Variants in FGF14 observed in about 807,000 individuals in gnomAD.
FGF14 encodes fibroblast growth factor homologous factor 4.
Under a neutral mutation model 25.5 loss-of-function variants are expected in FGF14, and 5 were observed. The ratio of observed to expected loss-of-function variants is 0.20; its 90% CI spans 0.10 to 0.41. FGF14 has a LOEUF of 0.41. FGF14 is among the 10% of genes least tolerant of loss of function. The pLI, the probability that FGF14 is intolerant of heterozygous loss-of-function variation, is 1.00. For synonymous variants in FGF14, 138 were observed against 118.3 expected, an observed-to-expected ratio of 1.17 and a Z score of -1.08; for missense variants, 222 against 320.1, an observed-to-expected ratio of 0.69 and a Z score of 2.34.
intron 1 of FGF14, among the ~76,000 whole-genome samples, chr13:102,211,137 AG>A (rs1213618599): frequency 6.6e-6 from 1 of 152,048 alleles, no homozygotes; most frequent in Non-Finnish European, 1.5e-5. Context: ...ATAATGCAAA[AG>A]GGAACAACAT....
At chr13:102,166,976 A>C (rs2048039827) in intron 1 of FGF14, among the ~76,000 whole-genome samples, 1 of 152,056 alleles carries the variant, frequency 6.6e-6, no homozygotes, top group South Asian at 2.1e-4. Flanking sequence ...AACAGAGATA[A>C]AACAGAAGCT....
At chr13:102,163,634 C>G (rs143007325) in intron 1 of FGF14, among the ~76,000 whole-genome samples, 1 of 152,002 alleles carries the variant, frequency 6.6e-6, no homozygotes, top group African/African-American at 2.4e-5. Flanking sequence ...TATCAGGGAC[C>G]AGTATTCGAG....
chr13:101,828,665 C>T (rs2042524547), intron 3 of FGF14, among the ~76,000 whole-genome samples: 1 of 151,998 alleles, frequency 6.6e-6, no homozygotes, highest in Non-Finnish European at 1.5e-5. Context: ...CAGTAATAAC[C>T]ATGATCTCCC....
chr13:102,350,781 C>A (rs1489692171), intron 1 of FGF14, among the ~76,000 whole-genome samples: 7 of 152,200 alleles, frequency 4.6e-5, no homozygotes, highest in Admixed American at 4.6e-4. Context: ...AGAGCTTCCA[C>A]TGAAGTAAGG....
At chr13:102,305,904 C>A (rs1460312458) in intron 1 of FGF14, among the ~76,000 whole-genome samples, 1 of 152,146 alleles carries the variant, frequency 6.6e-6, no homozygotes, top group Non-Finnish European at 1.5e-5. Context: ...AAATTGAAGA[C>A]AACAGACATG....
intron 1 of FGF14, among the ~76,000 whole-genome samples, chr13:102,010,424 G>A (rs1004287914): frequency 6.6e-6 from 1 of 152,092 alleles, no homozygotes; most frequent in East Asian, 1.9e-4. Flanking sequence ...AGAGATACCA[G>A]AACTAATAAC....
intron 1 of FGF14, among the ~76,000 whole-genome samples, chr13:101,980,540 T>A (rs2038186712): frequency 6.6e-6 from 1 of 152,176 alleles, no homozygotes; most frequent in Non-Finnish European, 1.5e-5. Flanking sequence ...GGACAAAATT[T>A]CAGGATTTAC....
Position 102,085,628 on chromosome 13 carries a change from G to A in FGF14, c.209-210332C>T, listed in dbSNP as rs1042944587. ...TAAAACTGATTTCACTAATTTCTCT[G>A]ACAATGTATTATCCTGGGGAGTTAA... On this transcript the variant is annotated intron_variant, in intron 1 of 4. Coordinates refer to the FGF14 transcript ENST00000376131. 7.9e-5 allele frequency among the ~76,000 whole-genome samples: 12 copies of A among 152,266 alleles called. No individual in the cohort carries two copies. In the South Asian group the frequency reaches 2.5e-3, roughly 32 times the overall value.
chr13:102,194,996 A>T (rs1341462146), intron 1 of FGF14, among the ~76,000 whole-genome samples: 2 of 152,188 alleles, frequency 1.3e-5, no homozygotes, highest in East Asian at 3.8e-4. Context: ...GTCAAATAAG[A>T]ATTCTATAAT....
chr13:102,397,533 T>TTATG (rs1381539198), intron 1 of FGF14, among the ~76,000 whole-genome samples: 1 of 152,210 alleles, frequency 6.6e-6, no homozygotes, highest in Non-Finnish European at 1.5e-5. Flanking sequence ...TCCTCTTAGA[T>TTATG]TATGATTTAT....
chr13:102,387,707 A>AT (rs2058337109), intron 1 of FGF14, among the ~76,000 whole-genome samples: 2 of 149,024 alleles, frequency 1.3e-5, no homozygotes, highest in African/African-American at 5.1e-5. Context: ...CCCACTAGGC[A>AT]GTTTTTTTTT....
chr13:102,238,696 A>T (rs1409215463), intron 1 of FGF14, among the ~76,000 whole-genome samples: 3 of 152,246 alleles, frequency 2.0e-5, no homozygotes, highest in Non-Finnish European at 4.4e-5. Context: ...GACAGCCAGG[A>T]TCATTGATTC....
intron 1 of FGF14, among the ~76,000 whole-genome samples, chr13:101,992,768 T>C (rs926861585): frequency 9.9e-5 from 15 of 151,852 alleles, no homozygotes; most frequent in Non-Finnish European, 2.2e-4. Flanking sequence ...AGTAAGTCAA[T>C]AGAAATTTCC....
chr13:101,871,997 C>T (rs1455729250), intron 2 of FGF14, among the ~76,000 whole-genome samples: 2 of 151,766 alleles, frequency 1.3e-5, no homozygotes, highest in Non-Finnish European at 2.9e-5. Context: ...GGGCCTTTTT[C>T]CCCTCTTCTT....
intron 1 of FGF14, among the ~76,000 whole-genome samples, chr13:102,166,709 G>T (rs917007068): frequency 6.6e-6 from 1 of 152,066 alleles, no homozygotes; most frequent in African/African-American, 2.4e-5. Flanking sequence ...TTACAATGTC[G>T]CTGGTCATGA....
At chr13:101,857,385 A>G (rs1007978114) in intron 3 of FGF14, among the ~76,000 whole-genome samples, 6 of 152,034 alleles carry the variant, frequency 3.9e-5, no homozygotes, top group Admixed American at 2.0e-4. Context: ...GGGCTGGGAC[A>G]TGTTTATTAA....
intron 1 of FGF14, among the ~76,000 whole-genome samples, chr13:102,114,473 A>G (rs913264975): frequency 6.6e-6 from 1 of 152,200 alleles, no homozygotes; most frequent in African/African-American, 2.4e-5. Context: ...CAATTCCAAG[A>G]TAATTGAAAT....
intron 1 of FGF14, among the ~76,000 whole-genome samples, chr13:102,151,095 T>G (rs569577760): frequency 1.3e-5 from 2 of 152,344 alleles, no homozygotes; most frequent in East Asian, 3.9e-4. Flanking sequence ...TCCCCAGCTA[T>G]CTGGTGGAGC....
At chr13:101,866,297 G>A (rs182382362) in intron 3 of FGF14, among the ~76,000 whole-genome samples, 20 of 152,152 alleles carry the variant, frequency 1.3e-4, no homozygotes, top group African/African-American at 4.6e-4. Context: ...TAGAAAAGGT[G>A]TCAGACCATA....
Sources: allele counts gnomAD v4.1 joint callset (sites outside exome capture counted in the v4.1 genomes callset), GRCh38; gene constraint gnomAD v4.1.1; transcripts MANE v1.5; gene names NCBI Gene and HGNC (gene_info 2026-07-23, HGNC 2026-07-21).